Variants in CCDC3 observed in about 807,000 individuals in gnomAD.
The protein encoded by CCDC3 is coiled-coil domain-containing protein 3.
Under a neutral mutation model 21.4 loss-of-function variants are expected in CCDC3, and 24 were observed. That is an observed-to-expected ratio of 1.12 (90% CI 0.81 to 1.58). CCDC3 has a LOEUF of 1.58. Among genes scored for constraint, CCDC3 ranks in the 40% most tolerant of loss-of-function variants. The pLI, the probability that CCDC3 is intolerant of heterozygous loss-of-function variation, is 0.00. For synonymous variants in CCDC3, 186 were observed against 166.0 expected, an observed-to-expected ratio of 1.12 and a Z score of -0.93; for missense variants, 425 against 360.9, an observed-to-expected ratio of 1.18 and a Z score of -1.44.
chr10:12,916,134 T>C (rs950917891), intron 2 of CCDC3, among the ~76,000 whole-genome samples: 2 of 152,122 alleles, frequency 1.3e-5, no homozygotes, highest in African/African-American at 4.8e-5. Flanking sequence ...GGAGACTATG[T>C]CTTAAGATGC....
chr10:13,035,898 C>T (rs1472169874), intron 5 of CCDC3, among the ~76,000 whole-genome samples: 1 of 151,768 alleles, frequency 6.6e-6, no homozygotes, highest in Admixed American at 6.6e-5. Context: ...GTAATCCCAG[C>T]ACTTTGGAAG....
At chr10:13,026,360 T>C (rs975896995) in intron 5 of CCDC3, among the ~76,000 whole-genome samples, 1 of 152,198 alleles carries the variant, frequency 6.6e-6, no homozygotes, top group Non-Finnish European at 1.5e-5. Context: ...CAAACTGCTT[T>C]AGTGGGAGGA....
Position 12,998,426 on chromosome 10 carries a change from A to G in CCDC3, c.461T>C (p.Phe154Ser). 6.2e-7 allele frequency: 1 copy of G among 1,614,216 alleles called. No homozygotes were observed. Among genetic ancestry groups the G allele is most frequent in the Non-Finnish European group, 8.5e-7 (1 of 1,180,044 alleles). The change falls in exon 2 of 3, where the codon TTT (phenylalanine) becomes TCT (serine). Residue 154 changes from phenylalanine to serine, a missense_variant. Coordinates refer to ENST00000378825, the MANE Select transcript of CCDC3 (RefSeq NM_031455.4). ...GTTTGAAAACTGGAAAAGGCTAGAA[A>G]ACATCCTTCTGTTCTCTTGAGTGTC... is the stretch of plus-strand genomic sequence containing the variant. ...FPDTQENRRMFSSLFQFSNCS... is the reference protein window; with the variant it reads ...FPDTQENRRMSSSLFQFSNCS...
At chr10:12,929,835 A>T (rs1478472033) in intron 2 of CCDC3, among the ~76,000 whole-genome samples, 1 of 152,190 alleles carries the variant, frequency 6.6e-6, no homozygotes, top group Non-Finnish European at 1.5e-5. Flanking sequence ...AACACATGTA[A>T]ATGAGAGGTG....
At chr10:13,068,372 C>T (rs1449971176) in intron 4 of CCDC3, among the ~76,000 whole-genome samples, 3 of 151,988 alleles carry the variant, frequency 2.0e-5, no homozygotes, top group Non-Finnish European at 4.4e-5. Flanking sequence ...AAGAGCTCTA[C>T]TTCATTGACT....
At chr10:12,931,014 C>T (rs1187824645) in intron 2 of CCDC3, among the ~76,000 whole-genome samples, 1 of 151,982 alleles carries the variant, frequency 6.6e-6, no homozygotes, top group African/African-American at 2.4e-5. Flanking sequence ...ACTTCCAGAC[C>T]AGCCTGGCCA....
exon 2 of CCDC3, chr10:13,099,279 GA>G (rs1197384225): frequency 6.6e-6 from 1 of 152,414 alleles, no homozygotes; most frequent in African/African-American, 2.4e-5. Context: ...ATCCTTCGGA[GA>G]TACCAGGAGA....
intron 3 of CCDC3, among the ~76,000 whole-genome samples, chr10:13,082,521 G>C (rs1231248325): frequency 6.6e-6 from 1 of 152,232 alleles, no homozygotes; most frequent in Non-Finnish European, 1.5e-5. Flanking sequence ...GGGCAGGCCT[G>C]TCTGATGTCA....
chr10:12,905,494 A>C (rs1363109753), intron 2 of CCDC3, among the ~76,000 whole-genome samples: 2 of 152,132 alleles, frequency 1.3e-5, no homozygotes, highest in Non-Finnish European at 2.9e-5. Context: ...TGAAGGGCAA[A>C]GGGTTTGAAA....
At chr10:12,943,824 T>C (rs1462656107) in intron 2 of CCDC3, among the ~76,000 whole-genome samples, 1 of 152,156 alleles carries the variant, frequency 6.6e-6, no homozygotes, top group Non-Finnish European at 1.5e-5. Flanking sequence ...AAGAGAGTTT[T>C]TCTCTTTCTC....
intron 2 of CCDC3, among the ~76,000 whole-genome samples, chr10:12,904,628 C>T (rs1357183377): frequency 6.6e-6 from 1 of 151,982 alleles, no homozygotes; most frequent in Non-Finnish European, 1.5e-5. Flanking sequence ...GGTCACCTGT[C>T]TCCAGTGACG....
chr10:13,002,289 A>C (rs946913498), upstream of CCDC3, among the ~76,000 whole-genome samples: 20 of 152,246 alleles, frequency 1.3e-4, no homozygotes, highest in Admixed American at 1.0e-3. Flanking sequence ...ATACATTCAG[A>C]AGTAAATCCC....
chr10:12,922,370 C>T (rs566405257), intron 2 of CCDC3, among the ~76,000 whole-genome samples: 10 of 150,540 alleles, frequency 6.6e-5, no homozygotes, highest in Admixed American at 2.0e-4. Context: ...GCATCCCACC[C>T]TCCCATCTGT....
chr10:12,917,001 G>C (rs1394268773), intron 2 of CCDC3, among the ~76,000 whole-genome samples: 1 of 152,136 alleles, frequency 6.6e-6, no homozygotes, highest in Admixed American at 6.5e-5. Flanking sequence ...CCAGCCTGGA[G>C]TCTGGGGCTG....
chr10:13,071,390 A>G (rs1836880795), intron 4 of CCDC3, among the ~76,000 whole-genome samples: 1 of 152,230 alleles, frequency 6.6e-6, no homozygotes, highest in South Asian at 2.1e-4. Context: ...ATCCAGAGAC[A>G]GATGATAATG....
intron 2 of CCDC3, among the ~76,000 whole-genome samples, chr10:12,940,909 T>G (rs1221546556): frequency 6.6e-6 from 1 of 152,140 alleles, no homozygotes; most frequent in East Asian, 1.9e-4. Context: ...GGCACTGAAT[T>G]TAGATCCCTG....
At position 13,001,520 on chromosome 10, in the gene CCDC3, C is replaced by A. The variant is rs1835855097; in HGVS notation, c.51G>T (p.Ala17=). ...AGGGCAGCTGGCAGGCGCGCGCGGG[C>A]GCTGGGGGACCCGCCAGGCAGAGCG... is the stretch of plus-strand genomic sequence containing the variant. ...LAALCLAGPP[A]PARACQLPSE... is the part of the protein sequence containing the mutation. Residue 17 remains alanine, a synonymous_variant, in exon 1 of 3, where the codon GCG becomes GCT. Transcript: ENST00000378825. 2 of 1,316,216 alleles carry A rather than the reference C, an allele frequency of 1.5e-6. No individual in the cohort carries two copies. Among genetic ancestry groups the A allele is most frequent in the South Asian group, 2.1e-5 (1 of 46,850 alleles). 81.5% of individuals were successfully genotyped at this position (1,316,216 alleles called of 1,614,324 possible).
intron 2 of CCDC3, among the ~76,000 whole-genome samples, chr10:12,996,046 C>T (rs1835757113): frequency 6.6e-6 from 1 of 152,148 alleles, no homozygotes; most frequent in South Asian, 2.1e-4. Flanking sequence ...ATAAACAAAG[C>T]TCCCACAAGA....
intron 2 of CCDC3, chr10:12,924,709 G>A (rs982809624): frequency 1.3e-5 from 2 of 152,154 alleles, no homozygotes; most frequent in African/African-American, 4.8e-5. Context: ...CTCTTATCCA[G>A]GTAGTCACCA....
Sources: gnomAD v4.1 joint callset for allele counts (sites outside exome capture counted in the v4.1 genomes callset) on GRCh38, gnomAD v4.1.1 for gene constraint, MANE v1.5 for transcripts, NCBI Gene and HGNC (gene_info 2026-07-23, HGNC 2026-07-21) for gene names.